The following GALNT2 variants were observed in gnomAD, a reference collection of about 807,000 sequenced individuals.
The protein encoded by GALNT2 is polypeptide N-acetylgalactosaminyltransferase 2, also known as UDP-GalNAc:polypeptide N-acetylgalactosaminyltransferase 2.
A neutral mutation model predicts 81.4 loss-of-function variants in GALNT2; 31 were observed. The observed-to-expected ratio is 0.38, with a 90% confidence interval of 0.29 to 0.51. The LOEUF (loss-of-function observed/expected upper bound fraction) is 0.51, where lower values mean the gene tolerates loss of function less well. GALNT2 is among the 20% of genes least tolerant of loss of function. The pLI is 0.87. For missense variants in GALNT2, 629 were observed against 765.7 expected (o/e 0.82, Z 2.11); for synonymous variants, 303 against 287.4 (o/e 1.05, Z -0.55).
At chr1:230,194,088 G>A (rs974613977) in intron 2 of GALNT2, among the ~76,000 whole-genome samples, 1 of 152,250 alleles carries the variant, frequency 6.6e-6, no homozygotes, top group Non-Finnish European at 1.5e-5. Context: ...CTCAGAGCCT[G>A]GTGGATGGGT....
chr1:230,163,889 A>C (rs542380489), intron 1 of GALNT2, among the ~76,000 whole-genome samples: 6 of 152,156 alleles, frequency 3.9e-5, no homozygotes, highest in Non-Finnish European at 7.4e-5. Context: ...TCCCAACCAC[A>C]TGGACACGGG....
intron 3 of GALNT2, among the ~76,000 whole-genome samples, chr1:230,220,760 C>T (rs1413923355): frequency 1.3e-5 from 2 of 152,076 alleles, no homozygotes; most frequent in South Asian, 2.1e-4. Flanking sequence ...TAATCAGACC[C>T]GCCCTAAGGA....
intron 1 of GALNT2, among the ~76,000 whole-genome samples, chr1:230,114,311 A>G (rs1287992025): frequency 6.6e-6 from 1 of 152,328 alleles, no homozygotes; most frequent in Non-Finnish European, 1.5e-5. Flanking sequence ...TTCCTTGTGA[A>G]GGAATCTTCC....
At chr1:230,236,815 T>C in intron 6 of GALNT2, 90 bp downstream of exon 6, 1 of 1,302,068 alleles carries the variant, frequency 7.7e-7, no homozygotes, top group East Asian at 2.3e-5. Flanking sequence ...AAAGAGCAAT[T>C]AATTGTCTAG....
chr1:230,124,765 C>T (rs567434878), intron 1 of GALNT2, among the ~76,000 whole-genome samples: 31 of 152,272 alleles, frequency 2.0e-4, no homozygotes, highest in Admixed American at 7.2e-4. Flanking sequence ...GTCATGGGGA[C>T]GGGTGGGACC....
intron 3 of GALNT2, among the ~76,000 whole-genome samples, chr1:230,231,141 G>C (rs1664855198): frequency 6.6e-6 from 1 of 152,158 alleles, no homozygotes; most frequent in South Asian, 2.1e-4. Context: ...GCCTCTCCAA[G>C]TTGCTAGAGA....
rs763627197 is a variant in GALNT2 at position 230,109,269 on chromosome 1, G to A, written c.126+41863G>A. ...TGCAGGTGAGCGGGTGCAGGGAGGT[G>A]CGGGGTGGGGTGGCGGCTGCAGCAG... is the stretch of plus-strand genomic sequence containing the variant. On this transcript the variant is annotated intron_variant, in intron 1 of 15. Coordinates refer to ENST00000366672, the MANE Select transcript of GALNT2 (RefSeq NM_004481.5). 5.9e-5 allele frequency among the ~76,000 whole-genome samples: 9 copies of A among 152,316 alleles called. No individual in the cohort carries two copies. In the South Asian group the frequency reaches 8.3e-4, roughly 14 times the overall value.
At chr1:230,250,788 G>A (rs1226091524) in intron 10 of GALNT2, among the ~76,000 whole-genome samples, 2 of 152,190 alleles carry the variant, frequency 1.3e-5, no homozygotes, top group East Asian at 3.8e-4. Context: ...TACGGATAAA[G>A]TCTTTGAAGG....
chr1:230,114,517 G>A (rs1055113864), intron 1 of GALNT2, among the ~76,000 whole-genome samples: 2 of 152,230 alleles, frequency 1.3e-5, no homozygotes, highest in African/African-American at 2.4e-5. Context: ...GATTCTCAGC[G>A]AGAGGAGGGG....
chr1:230,208,507 T>G (rs1287386585), intron 3 of GALNT2, among the ~76,000 whole-genome samples: 2 of 152,216 alleles, frequency 1.3e-5, no homozygotes, highest in African/African-American at 4.8e-5. Context: ...GAGGAAGGTC[T>G]TAGCGGGAAT....
upstream of GALNT2, among the ~76,000 whole-genome samples, chr1:230,066,283 C>A (rs533351367): frequency 6.6e-6 from 1 of 152,316 alleles, no homozygotes; most frequent in South Asian, 2.1e-4. Context: ...AAGGGCATCA[C>A]CAAGGTTACA....
intron 1 of GALNT2, among the ~76,000 whole-genome samples, chr1:230,105,523 A>G (rs1294783120): frequency 1.3e-5 from 2 of 152,112 alleles, no homozygotes; most frequent in African/African-American, 4.8e-5. Flanking sequence ...GGTGCTCCCT[A>G]GAGTTGATGG....
chr1:230,151,638 C>T lies in GALNT2; in HGVS notation c.127-26580C>T, dbSNP rs755616068. ...CACCACGTAAGCTAAGGAAGGAAAG[C>T]AGAGCTCCTCAGTTCATTGATGGCT... On this transcript the variant is annotated intron_variant, in intron 1 of 15. Coordinates refer to ENST00000366672, the MANE Select transcript of GALNT2 (RefSeq NM_004481.5). 8.5e-5 allele frequency among the ~76,000 whole-genome samples: 13 copies of T among 152,318 alleles called. No homozygotes were observed. The East Asian group carries it at 2.5e-3, about 29-fold the overall frequency.
chr1:230,127,719 C>T (rs967443007), intron 1 of GALNT2, among the ~76,000 whole-genome samples: 17 of 143,956 alleles, frequency 1.2e-4, no homozygotes, highest in African/African-American at 4.5e-4. Flanking sequence ...ATGTGAGCCC[C>T]TCGCGGTGGT....
intron 1 of GALNT2, among the ~76,000 whole-genome samples, chr1:230,167,813 T>G (rs536105684): frequency 6.6e-6 from 1 of 152,322 alleles, no homozygotes; most frequent in South Asian, 2.1e-4. Flanking sequence ...ACTGTGGCCC[T>G]TGGGCCCCGC....
At chr1:230,166,084 G>T (rs1662592333) in intron 1 of GALNT2, among the ~76,000 whole-genome samples, 1 of 151,728 alleles carries the variant, frequency 6.6e-6, no homozygotes, top group Admixed American at 6.6e-5. Context: ...CCATGACAGT[G>T]TCCTCTGCAC....
chr1:230,067,183 C>T (rs1032678013), upstream of GALNT2: 2 of 690,298 alleles, frequency 2.9e-6, no homozygotes, highest in Non-Finnish European at 1.9e-6. Context: ...CGCGCCCTTC[C>T]CCTTCCTCCG....
intron 12 of GALNT2, 23 bp from the exon 13 acceptor site, chr1:230,262,898 GA>G: frequency 6.2e-7 from 1 of 1,602,108 alleles, no homozygotes; most frequent in Non-Finnish European, 8.5e-7. Flanking sequence ...ATTTATAAAG[GA>G]ATCTTATTTC....
chr1:230,136,391 C>T (rs1661542162), intron 1 of GALNT2, among the ~76,000 whole-genome samples: 2 of 152,186 alleles, frequency 1.3e-5, no homozygotes, highest in African/African-American at 4.8e-5. Context: ...GGGCCTGTTC[C>T]TGGTGGCCTG....
Sources: gnomAD v4.1 joint callset for allele counts (sites outside exome capture counted in the v4.1 genomes callset) on GRCh38, gnomAD v4.1.1 for gene constraint, MANE v1.5 for transcripts, NCBI Gene and HGNC (gene_info 2026-07-23, HGNC 2026-07-21) for gene names.